Variants in NRG3 observed in about 807,000 individuals in gnomAD.
NRG3 encodes the protein pro-neuregulin-3, membrane-bound isoform.
A neutral mutation model predicts 66.9 loss-of-function variants in NRG3; 31 were observed. The observed-to-expected ratio is 0.46, with a 90% CI of 0.35 to 0.63. The LOEUF is 0.63. Among genes scored for constraint, NRG3 ranks in the 20% least tolerant of loss-of-function variants. The pLI is 0.00. For synonymous variants in NRG3, 393 were observed against 359.4 expected (o/e 1.09, Z -1.06); for missense variants, 910 against 878.9 (o/e 1.04, Z -0.45).
intron 3 of NRG3, among the ~76,000 whole-genome samples, chr10:82,840,615 C>T (rs1413401934): frequency 6.6e-6 from 1 of 152,084 alleles, no homozygotes; most frequent in African/African-American, 2.4e-5. Flanking sequence ...AAGAGAATAT[C>T]GTAACTGCTA....
intron 1 of NRG3, among the ~76,000 whole-genome samples, chr10:82,082,789 T>C (rs2065467483): frequency 6.6e-6 from 1 of 152,208 alleles, no homozygotes; most frequent in African/African-American, 2.4e-5. Flanking sequence ...TTGGAGGCCC[T>C]GGGTCTCCAA....
intron 1 of NRG3, among the ~76,000 whole-genome samples, chr10:81,880,320 T>A (rs181484950): frequency 6.6e-6 from 1 of 152,246 alleles, no homozygotes; most frequent in African/African-American, 2.4e-5. Context: ...GGAGGTGTTG[T>A]TAATTGAGAG....
intron 3 of NRG3, among the ~76,000 whole-genome samples, chr10:82,837,090 G>A (rs2062819701): frequency 6.6e-6 from 1 of 152,106 alleles, no homozygotes; most frequent in Non-Finnish European, 1.5e-5. Flanking sequence ...TTTTATGGCT[G>A]CATAGTATTC....
intron 5 of NRG3, chr10:82,955,178 A>C (rs1276986730): frequency 6.6e-6 from 1 of 151,868 alleles, no homozygotes; most frequent in Admixed American, 6.5e-5. Flanking sequence ...TTGGCATGGC[A>C]TGACTTCATC....
chr10:82,827,204 TAAAAAAAAA>T (rs5786573), intron 3 of NRG3: 42,394 of 193,398 alleles, frequency 0.22, 3,767 homozygotes, highest in Admixed American at 0.36. Context: ...TACCAAATTG[TAAAAAAAAA>T]AAAAAAAAAA....
intron 2 of NRG3, among the ~76,000 whole-genome samples, chr10:82,426,380 T>C (rs2089440028): frequency 6.6e-6 from 1 of 152,076 alleles, no homozygotes; most frequent in Non-Finnish European, 1.5e-5. Flanking sequence ...CAATAGTGGC[T>C]TCCGTTGTTC....
intron 1 of NRG3, among the ~76,000 whole-genome samples, chr10:81,882,735 C>T (rs1057228644): frequency 2.6e-5 from 4 of 152,090 alleles, no homozygotes; most frequent in Non-Finnish European, 4.4e-5. Flanking sequence ...TGGTTTGTTA[C>T]CTAGCTTGAG....
chr10:82,198,400 C>CT (rs1311018385), intron 1 of NRG3, among the ~76,000 whole-genome samples: 3 of 152,142 alleles, frequency 2.0e-5, no homozygotes, highest in African/African-American at 4.8e-5. Context: ...TATTGCTTGG[C>CT]TGTCTTATTT....
At position 82,442,784 on chromosome 10, in the gene NRG3, A is replaced by ATTTTTTTTTTT. The variant is rs61261285; in HGVS notation, c.953+83937_953+83947dup. On this transcript the variant is annotated intron_variant, in intron 2 of 8. Transcript: ENST00000372141. ...CACCAAAGATCTTATTTCTGTGTGG[A>ATTTTTTTTTTT]TTTTTTTTTTTTTTTTTTTTTTTTT... Among the ~76,000 whole-genome samples the ATTTTTTTTTTT allele has an allele frequency of 8.5e-4, 46 of 54,272 alleles. 8 individuals carry two copies. Among genetic ancestry groups the ATTTTTTTTTTT allele is most frequent in the East Asian group, 2.8e-3 (5 of 1,758 alleles). The allele number at this position is 54,272 out of a possible 152,430, so 35.6% of individuals were successfully genotyped here.
At chr10:82,303,269 T>C (rs1564770690) in intron 1 of NRG3, among the ~76,000 whole-genome samples, 1 of 152,080 alleles carries the variant, frequency 6.6e-6, no homozygotes, top group Non-Finnish European at 1.5e-5. Context: ...CACCTCTTAA[T>C]TTGAAAAATC....
At chr10:82,541,136 T>C (rs1221079763) in intron 2 of NRG3, among the ~76,000 whole-genome samples, 1 of 152,196 alleles carries the variant, frequency 6.6e-6, no homozygotes, top group East Asian at 1.9e-4. Context: ...TTCTATTCTT[T>C]AAGCTACTCA....
intron 2 of NRG3, among the ~76,000 whole-genome samples, chr10:82,585,020 A>G (rs1046671566): frequency 4.8e-5 from 6 of 125,628 alleles, no homozygotes; most frequent in Admixed American, 2.5e-4. Context: ...TTGGGGGGGG[A>G]ACGGGGGGAG....
chr10:82,857,574 T>G (rs495114), intron 3 of NRG3, among the ~76,000 whole-genome samples: 69,642 of 151,928 alleles, frequency 0.46, 16,281 homozygotes, highest in Non-Finnish European at 0.49. Context: ...CCTGATTTAG[T>G]CACATAAAAC....
intron 1 of NRG3, among the ~76,000 whole-genome samples, chr10:82,199,154 A>C (rs987596996): frequency 2.0e-5 from 3 of 149,430 alleles, no homozygotes; most frequent in African/African-American, 7.4e-5. Flanking sequence ...CTTGGGTGAC[A>C]GAGTGAGACT....
intron 1 of NRG3, among the ~76,000 whole-genome samples, chr10:82,278,902 T>C (rs1281812185): frequency 6.6e-6 from 1 of 152,154 alleles, no homozygotes; most frequent in Non-Finnish European, 1.5e-5. Flanking sequence ...GGAAGTTGCT[T>C]CCAGGCTTAT....
intron 1 of NRG3, among the ~76,000 whole-genome samples, chr10:82,304,652 A>G (rs966932750): frequency 6.7e-6 from 1 of 150,034 alleles, no homozygotes; most frequent in African/African-American, 2.5e-5. Flanking sequence ...TTGCAGCTAT[A>G]GGACTGACAT....
chr10:82,143,302 G>A (rs1297156276), intron 1 of NRG3, among the ~76,000 whole-genome samples: 1 of 152,092 alleles, frequency 6.6e-6, no homozygotes, highest in Admixed American at 6.6e-5. Context: ...ATGACACAGG[G>A]CAGTCACTCA....
chr10:82,615,721 C>T (rs907281260), intron 2 of NRG3, among the ~76,000 whole-genome samples: 22 of 152,012 alleles, frequency 1.4e-4, no homozygotes, highest in African/African-American at 5.3e-4. Context: ...CTTTAAAACT[C>T]ATTTTATTAT....
rs147403710 is a variant in NRG3 at position 82,207,036 on chromosome 10, C to T, written c.824-151703C>T. 2.2e-3 allele frequency among the ~76,000 whole-genome samples: 328 copies of T among 152,240 alleles called. 2 individuals carry two copies. Among genetic ancestry groups the T allele is most frequent in the African/African-American group, 7.4e-3 (309 of 41,558 alleles). On this transcript the variant is annotated intron_variant, in intron 1 of 8. Coordinates refer to ENST00000372141, the MANE Select transcript of NRG3 (RefSeq NM_001010848.4). Reference sequence around the variant, plus strand: ...CTGAGTCCCTTGCTCCACATTTCTGCTTTCCTAATTGTTTTTGACACAAGG... The same window carrying T: ...CTGAGTCCCTTGCTCCACATTTCTGTTTTCCTAATTGTTTTTGACACAAGG...
Sources: gnomAD v4.1 joint callset for allele counts (sites outside exome capture counted in the v4.1 genomes callset) on GRCh38, gnomAD v4.1.1 for gene constraint, MANE v1.5 for transcripts, NCBI Gene and HGNC (gene_info 2026-07-23, HGNC 2026-07-21) for gene names.